Variants in DPPA4 observed in about 807,000 individuals in gnomAD.
The protein encoded by DPPA4 is developmental pluripotency associated 4.
DPPA4 carries 22 observed loss-of-function variants against 33.7 expected under a neutral mutation model. That is an observed-to-expected ratio of 0.65 (90% CI 0.47 to 0.93). The LOEUF (loss-of-function observed/expected upper bound fraction) is 0.93, where lower values mean the gene tolerates loss of function less well. Ranked by LOEUF, DPPA4 falls within the 40% of genes least tolerant of loss-of-function variation. The pLI is 0.00. For missense variants in DPPA4, 340 were observed against 358.6 expected (o/e 0.95, Z 0.42); for synonymous variants, 156 against 132.3 (o/e 1.18, Z -1.23).
chr3:109,331,022 A>C (rs1037413106), intron 4 of DPPA4, among the ~76,000 whole-genome samples: 2 of 152,048 alleles, frequency 1.3e-5, no homozygotes, highest in African/African-American at 4.8e-5. Flanking sequence ...TCAGGTCTGT[A>C]ATCCCAGCAC....
chr3:109,339,448 CAG>C (rs1407972748), upstream of DPPA4, among the ~76,000 whole-genome samples: 1 of 152,010 alleles, frequency 6.6e-6, no homozygotes, highest in Middle Eastern at 3.2e-3. Flanking sequence ...CTGGAGAAAA[CAG>C]TGGCTGGCAC....
intron 4 of DPPA4, among the ~76,000 whole-genome samples, chr3:109,331,324 G>GA (rs1353336055): frequency 2.3e-5 from 3 of 128,456 alleles, no homozygotes; most frequent in Non-Finnish European, 5.0e-5. Context: ...GAAAAAAATA[G>GA]AAAAAAAGAA....
At chr3:109,330,300 CAAAAAAAAAAAAAAAAAAAAA>C (rs71129042) in intron 5 of DPPA4, 965 of 347,472 alleles carry the variant, frequency 2.8e-3, no homozygotes, top group Non-Finnish European at 3.5e-3. Flanking sequence ...GAAACTGTCT[CAAAAAAAAAAAAAAAAAAAAA>C]AAAAAAAAAA....
intron 6 of DPPA4, among the ~76,000 whole-genome samples, chr3:109,328,577 G>A (rs1707985980): frequency 6.6e-6 from 1 of 152,102 alleles, no homozygotes; most frequent in Admixed American, 6.6e-5. Flanking sequence ...TGTTAAGACT[G>A]TAGGCTACTT....
intron 2 of DPPA4, among the ~76,000 whole-genome samples, chr3:109,332,705 G>T (rs1045154716): frequency 6.6e-6 from 1 of 152,148 alleles, no homozygotes; most frequent in Admixed American, 6.6e-5. Flanking sequence ...CTAGGTCAGG[G>T]AAGCACTCTG....
At chr3:109,328,820 A>G (rs561013573) in intron 6 of DPPA4, 70 bp downstream of exon 6, 11 of 1,357,500 alleles carry the variant, frequency 8.1e-6, no homozygotes, top group East Asian at 7.0e-5. Context: ...AGATTAATGT[A>G]TATCTTAACT....
At chr3:109,334,459 A>C (rs1019763390) in intron 1 of DPPA4, among the ~76,000 whole-genome samples, 11 of 151,606 alleles carry the variant, frequency 7.3e-5, no homozygotes, top group African/African-American at 2.7e-4. Context: ...AGATAGGAGG[A>C]TTGCTTGAGC....
chr3:109,333,773 T>C (rs547474054), intron 2 of DPPA4, 97 bp downstream of exon 2: 21 of 1,434,842 alleles, frequency 1.5e-5, no homozygotes, highest in African/African-American at 8.5e-5. Flanking sequence ...GCACAATACA[T>C]GATGGAAATT....
chr3:109,332,393 G>A (rs1199323314), intron 2 of DPPA4, among the ~76,000 whole-genome samples: 7 of 152,012 alleles, frequency 4.6e-5, no homozygotes, highest in Admixed American at 6.6e-5. Flanking sequence ...AAGCCACCGC[G>A]CCCAGCCTAA....
Position 109,330,799 on chromosome 3 carries a change from G to A in DPPA4, c.404C>T (p.Thr135Ile), listed in dbSNP as rs1182492937. The A allele has an allele frequency of 6.2e-7, 1 of 1,603,016 alleles. No individual in the cohort carries two copies. Residue 135 changes from threonine to isoleucine, a missense_variant, in exon 5 of 7, where the codon ACA (threonine) becomes ATA (isoleucine). Coordinates refer to ENST00000335658, the MANE Select transcript of DPPA4 (RefSeq NM_018189.4). ...AYPNQKDFPSTAKEAKIRKSL... is the reference protein window; with the variant it reads ...AYPNQKDFPSIAKEAKIRKSL... ...TTTCCGGATTTTGGCCTCTTTTGCT[G>A]TGCTAGGAAAATCCTACAAAAAGGG...
In DPPA4 at chr3:109,328,976, T is replaced by G. The variant is rs775954660; in HGVS notation, c.792A>C (p.Arg264Ser). The stretch of plus-strand genomic sequence containing the variant: ...CAGGAAGCAAGAAGAGTGCACTCAC[T>G]CTCCCTTCTTGCTTTTCTGGAACCC... ...QAWVPEKQEG[R>S]VSALFLLPAS... The change falls in exon 6 of 7, where the codon AGA becomes AGC. Residue 264 changes from arginine (R) to serine (S), a missense_variant. Physicochemically the swap from Arg to Ser is moderately radical, Grantham distance 110. Transcript: ENST00000335658. 1.2e-6 allele frequency: 2 copies of G among 1,613,924 alleles called. No individual in the cohort carries two copies. Among genetic ancestry groups the G allele is most frequent in the South Asian group, 2.2e-5 (2 of 91,062 alleles).
chr3:109,337,312 T>C, intron 1 of DPPA4, 152 bp downstream of exon 1: 1 of 654,346 alleles, frequency 1.5e-6, no homozygotes, highest in South Asian at 2.0e-5. Context: ...AATCATATTC[T>C]TGGGCCTTAC....
At chr3:109,329,216 C>T in intron 5 of DPPA4, 128 bp from the exon 6 acceptor site, 1 of 791,438 alleles carries the variant, frequency 1.3e-6, no homozygotes, top group Non-Finnish European at 2.1e-6. Flanking sequence ...CCTAACTTAA[C>T]CTCTTCTCTA....
intron 1 of DPPA4, among the ~76,000 whole-genome samples, chr3:109,336,648 C>G (rs1196061008): frequency 6.6e-6 from 1 of 152,158 alleles, no homozygotes; most frequent in Non-Finnish European, 1.5e-5. Context: ...ACCCTTTTCT[C>G]CTGTTACCAT....
intron 5 of DPPA4, 44 bp from the exon 6 acceptor site, chr3:109,329,132 T>C: frequency 6.4e-7 from 1 of 1,570,336 alleles, no homozygotes; most frequent in Non-Finnish European, 8.7e-7. Context: ...CACACCAGGA[T>C]GACATACTGA....
chr3:109,328,004 C>CT lies in DPPA4; in HGVS notation c.898dup (p.Ser300LysfsTer18). On this transcript the variant is annotated frameshift_variant, in exon 7 of 7. Coordinates refer to ENST00000335658, the MANE Select transcript of DPPA4 (RefSeq NM_018189.4). LOFTEE classifies it high-confidence loss of function. ...CCTGATATTCTATTCCCATTGGAGG[C>CT]TTTTTATTAAGACCTTGTTCCTATA... 6.5e-7 allele frequency: 1 copy of CT among 1,543,128 alleles called. No homozygotes were observed. Among genetic ancestry groups the CT allele is most frequent in the Non-Finnish European group, 9.0e-7 (1 of 1,116,356 alleles).
upstream of DPPA4, among the ~76,000 whole-genome samples, chr3:109,337,924 C>G (rs1708246346): frequency 6.6e-6 from 1 of 152,136 alleles, no homozygotes; most frequent in South Asian, 2.1e-4. Flanking sequence ...CTTCAGAGAC[C>G]AGACTGGCGG....
At chr3:109,334,460 T>C (rs1708150662) in intron 1 of DPPA4, among the ~76,000 whole-genome samples, 1 of 151,842 alleles carries the variant, frequency 6.6e-6, no homozygotes, top group South Asian at 2.1e-4. Flanking sequence ...GATAGGAGGA[T>C]TGCTTGAGCC....
At chr3:109,337,414 A>G (rs753199043) in intron 1 of DPPA4, 50 bp downstream of exon 1, 2 of 1,569,710 alleles carry the variant, frequency 1.3e-6, no homozygotes, top group South Asian at 2.2e-5. Flanking sequence ...CCCAGGGAAG[A>G]CAGAAACACA....
Sources: allele counts gnomAD v4.1 joint callset (sites outside exome capture counted in the v4.1 genomes callset), GRCh38; gene constraint gnomAD v4.1.1; transcripts MANE v1.5; gene names NCBI Gene and HGNC (gene_info 2026-07-23, HGNC 2026-07-21).